The following THSD7B variants were observed in gnomAD, a reference collection of about 807,000 sequenced individuals.
THSD7B encodes thrombospondin type-1 domain-containing protein 7B.
In THSD7B, 138 loss-of-function variants were observed where a neutral mutation model predicts 213.6. That is an observed-to-expected ratio of 0.65 (90% confidence interval 0.56 to 0.74). The LOEUF (loss-of-function observed/expected upper bound fraction) is 0.74, where lower values mean the gene tolerates loss of function less well. THSD7B is among the 30% of genes least tolerant of loss of function. The pLI is 0.00. For missense variants in THSD7B, 1,931 were observed against 1,991.5 expected (o/e 0.97, Z 0.58); for synonymous variants, 742 against 687.0 (o/e 1.08, Z -1.25).
intron 17 of THSD7B, among the ~76,000 whole-genome samples, chr2:137,582,002 A>AT (rs1403923260): frequency 1.3e-5 from 2 of 151,830 alleles, no homozygotes; most frequent in African/African-American, 2.4e-5. Context: ...AGGCTGAGGC[A>AT]TGAGGATTGC....
chr2:137,087,451 A>G (rs527423634), intron 3 of THSD7B, among the ~76,000 whole-genome samples: 1 of 152,342 alleles, frequency 6.6e-6, no homozygotes, highest in South Asian at 2.1e-4. Flanking sequence ...ATAATTCAGC[A>G]AAGTTTCTGG....
chr2:137,451,139 T>A, intron 15 of THSD7B, 116 bp downstream of exon 15: 1 of 1,139,958 alleles, frequency 8.8e-7, no homozygotes, highest in Non-Finnish European at 1.2e-6. Flanking sequence ...TATCACAATG[T>A]CAGAAGAAGG....
chr2:137,324,861 T>C (rs1285236503), intron 12 of THSD7B, among the ~76,000 whole-genome samples: 1 of 152,232 alleles, frequency 6.6e-6, no homozygotes, highest in Non-Finnish European at 1.5e-5. Context: ...GACCCGTTTC[T>C]GAGGACCTTT....
intron 20 of THSD7B, among the ~76,000 whole-genome samples, chr2:137,620,956 T>G (rs568346137): frequency 2.6e-5 from 4 of 152,310 alleles, no homozygotes; most frequent in African/African-American, 9.6e-5. Flanking sequence ...CTGATGAAAC[T>G]GTGGGACAAT....
intron 12 of THSD7B, among the ~76,000 whole-genome samples, chr2:137,333,211 G>A (rs894782574): frequency 7.2e-5 from 11 of 152,072 alleles, no homozygotes; most frequent in African/African-American, 2.7e-4. Flanking sequence ...CCAGCAGCAG[G>A]TTCCGATACA....
At chr2:137,616,441 G>C in intron 18 of THSD7B, 125 bp downstream of exon 18, 1 of 777,098 alleles carries the variant, frequency 1.3e-6, no homozygotes, top group South Asian at 2.2e-5. Context: ...TTGCATAAAA[G>C]CCTGAGGACT....
chr2:136,932,568 T>TA (rs1190446587), intron 2 of THSD7B, among the ~76,000 whole-genome samples: 1 of 152,210 alleles, frequency 6.6e-6, no homozygotes, highest in African/African-American at 2.4e-5. Context: ...ACCATATTCT[T>TA]ACAATTAAGT....
intron 24 of THSD7B, among the ~76,000 whole-genome samples, chr2:137,658,365 C>T (rs773339267): frequency 5.9e-5 from 9 of 152,152 alleles, no homozygotes; most frequent in Non-Finnish European, 1.2e-4. Context: ...CACGGAATTC[C>T]TCAGGCACAG....
intron 1 of THSD7B, among the ~76,000 whole-genome samples, chr2:136,878,517 A>C (rs1381117348): frequency 7.2e-5 from 11 of 152,146 alleles, no homozygotes; most frequent in Admixed American, 5.9e-4. Context: ...TGGTTGAACT[A>C]GTTTACAGTC....
At chr2:137,337,323 C>A (rs377765002) in intron 12 of THSD7B, among the ~76,000 whole-genome samples, 2 of 151,928 alleles carry the variant, frequency 1.3e-5, no homozygotes, top group African/African-American at 2.4e-5. Flanking sequence ...CTCTTATGAC[C>A]CTGACAGTTG....
chr2:136,926,932 G>T (rs1684539206), intron 2 of THSD7B, among the ~76,000 whole-genome samples: 1 of 151,836 alleles, frequency 6.6e-6, no homozygotes, highest in Admixed American at 6.6e-5. Flanking sequence ...TTCTTAAATG[G>T]GCTCATCTCC....
intron 2 of THSD7B, among the ~76,000 whole-genome samples, chr2:137,044,828 A>G (rs1686941888): frequency 6.6e-6 from 1 of 152,184 alleles, no homozygotes; most frequent in Non-Finnish European, 1.5e-5. Flanking sequence ...GCATTGTGAC[A>G]TAGTGTTAGG....
chr2:136,886,525 G>A (rs948438955), intron 2 of THSD7B, among the ~76,000 whole-genome samples: 4 of 152,152 alleles, frequency 2.6e-5, no homozygotes, highest in African/African-American at 9.7e-5. Flanking sequence ...GCAATGCCTG[G>A]AGACATTTCT....
chr2:137,326,617 C>T (rs533811603), intron 12 of THSD7B, among the ~76,000 whole-genome samples: 25 of 152,272 alleles, frequency 1.6e-4, no homozygotes, highest in Middle Eastern at 3.4e-3. Context: ...CTCGCAGTTC[C>T]CCTTTACTGT....
intron 3 of THSD7B, among the ~76,000 whole-genome samples, chr2:137,063,341 T>C (rs953229589): frequency 6.6e-6 from 1 of 152,014 alleles, no homozygotes. Flanking sequence ...TTTATTGTCC[T>C]TGTTCTTTGC....
chr2:137,140,295 T>C (rs1679555274), intron 5 of THSD7B, among the ~76,000 whole-genome samples: 1 of 152,188 alleles, frequency 6.6e-6, no homozygotes, highest in Non-Finnish European at 1.5e-5. Context: ...TATAAATTAC[T>C]TCAGAAAGTT....
chr2:137,270,654 T>C (rs959519578), intron 10 of THSD7B, among the ~76,000 whole-genome samples: 2 of 152,094 alleles, frequency 1.3e-5, no homozygotes, highest in African/African-American at 4.8e-5. Flanking sequence ...GGAAGGTGGG[T>C]GGTGGCAAGG....
intron 12 of THSD7B, among the ~76,000 whole-genome samples, chr2:137,346,880 G>A (rs535366913): frequency 6.6e-6 from 1 of 151,746 alleles, no homozygotes; most frequent in Admixed American, 6.6e-5. Context: ...ATAGTGCTGT[G>A]CAGTGAATAT....
At chr2:136,943,113 C>T (rs1684862230) in intron 2 of THSD7B, among the ~76,000 whole-genome samples, 1 of 152,042 alleles carries the variant, frequency 6.6e-6, no homozygotes, top group African/African-American at 2.4e-5. Context: ...GATAATCAGG[C>T]CTTTTCTGCA....
Sources: allele counts gnomAD v4.1 joint callset (sites outside exome capture counted in the v4.1 genomes callset), GRCh38; gene constraint gnomAD v4.1.1; transcripts MANE v1.5; gene names NCBI Gene and HGNC (gene_info 2026-07-23, HGNC 2026-07-21).